Variants in RUNX1T1 observed in about 807,000 individuals in gnomAD.
RUNX1T1 encodes protein CBFA2T1.
RUNX1T1 carries 4 observed loss-of-function variants against 62.8 expected under a neutral mutation model. The ratio of observed to expected loss-of-function variants is 0.06; its 90% CI spans 0.03 to 0.15. RUNX1T1 has a LOEUF of 0.15. Among genes scored for constraint, RUNX1T1 ranks in the 10% least tolerant of loss-of-function variants. RUNX1T1 has a pLI of 1.00. For missense variants in RUNX1T1, 508 were observed against 754.3 expected (o/e 0.67, Z 3.82); for synonymous variants, 291 against 286.0 (o/e 1.02, Z -0.18).
chr8:92,068,504 C>CG (rs1260776876), intron 2 of RUNX1T1, among the ~76,000 whole-genome samples: 1 of 152,110 alleles, frequency 6.6e-6, no homozygotes, highest in Admixed American at 6.5e-5. Flanking sequence ...CAGGCAAAAT[C>CG]GGAGGGCTCG....
intron 8 of RUNX1T1, 58 bp from the exon 10 acceptor site, chr8:91,976,031 T>C: frequency 8.1e-7 from 1 of 1,230,454 alleles, no homozygotes; most frequent in Non-Finnish European, 1.2e-6. Context: ...AGCACACTTG[T>C]GTCATCGCAC....
intron 6 of RUNX1T1, among the ~76,000 whole-genome samples, chr8:91,990,982 T>C (rs1040770748): frequency 7.9e-5 from 12 of 152,208 alleles, no homozygotes; most frequent in Non-Finnish European, 1.6e-4. Flanking sequence ...TCTAATAGTT[T>C]TATGCAAAGA....
At chr8:91,970,933 T>A (rs1334813387) in intron 9 of RUNX1T1, 85 bp from the exon 11 acceptor site, 1 of 1,179,072 alleles carries the variant, frequency 8.5e-7, no homozygotes, top group East Asian at 2.8e-5. Context: ...TTCTTTTAAT[T>A]TTTTTTTTCT....
chr8:92,025,417 G>T lies in RUNX1T1; in HGVS notation c.8-8054C>A, dbSNP rs577296742. ...CCTCTGACCTCCATACTAGACAGCT[G>T]CAGTTCTCCAAATGCCCATGGTCAC... On this transcript the variant is annotated intron_variant, in intron 1 of 10. Coordinates refer to ENST00000396218, the Ensembl canonical transcript of RUNX1T1. Among the ~76,000 whole-genome samples, 13 of 152,224 alleles carry T rather than the reference G, an allele frequency of 8.5e-5. No homozygotes were observed. In the East Asian group the frequency reaches 2.5e-3, roughly 29 times the overall value.
intron 5 of RUNX1T1, chr8:92,003,237 C>A: frequency 2.4e-6 from 1 of 411,498 alleles, no homozygotes; most frequent in Non-Finnish European, 4.9e-6. Flanking sequence ...AACAAGAATG[C>A]TGAGCCTCTG....
At chr8:91,975,825 T>C in intron 9 of RUNX1T1, 80 bp downstream of exon 10, 4 of 920,360 alleles carry the variant, frequency 4.3e-6, no homozygotes, top group Non-Finnish European at 7.1e-6. Flanking sequence ...AAGTCCTTTC[T>C]TGTCATTCCT....
At chr8:92,094,620 A>G (rs1169384271) in intron 1 of RUNX1T1, among the ~76,000 whole-genome samples, 1 of 152,202 alleles carries the variant, frequency 6.6e-6, no homozygotes, top group African/African-American at 2.4e-5. Flanking sequence ...ATTTAAAACA[A>G]GTCACACAAA....
chr8:91,960,609 A>G, intron 10 of RUNX1T1, 92 bp from the exon 12 acceptor site: 1 of 1,345,898 alleles, frequency 7.4e-7, no homozygotes, highest in Non-Finnish European at 1.0e-6. Flanking sequence ...CTGTAGCCTT[A>G]TTTTCAAGAA....
At chr8:92,034,460 A>G (rs897176498) in intron 1 of RUNX1T1, among the ~76,000 whole-genome samples, 11 of 152,146 alleles carry the variant, frequency 7.2e-5, no homozygotes, top group Admixed American at 6.5e-4. Flanking sequence ...ACAAATTTGA[A>G]CAGCCTGTGA....
At chr8:91,999,041 A>G (rs1411278744) in intron 5 of RUNX1T1, among the ~76,000 whole-genome samples, 1 of 152,200 alleles carries the variant, frequency 6.6e-6, no homozygotes, top group Admixed American at 6.5e-5. Context: ...CAGTATGTGT[A>G]ATGCACTATC....
At chr8:91,996,358 C>T (rs1004616085) in intron 5 of RUNX1T1, among the ~76,000 whole-genome samples, 2 of 152,098 alleles carry the variant, frequency 1.3e-5, no homozygotes, top group African/African-American at 4.8e-5. Context: ...CCCGCCACCA[C>T]GCCTGGCTAA....
intron 1 of RUNX1T1, among the ~76,000 whole-genome samples, chr8:92,060,784 A>C (rs1344520409): frequency 6.6e-6 from 1 of 152,150 alleles, no homozygotes; most frequent in African/African-American, 2.4e-5. Context: ...CCAATAGTAG[A>C]ATTTAAAAAC....
At chr8:91,974,430 A>G (rs1813491361) in intron 9 of RUNX1T1, among the ~76,000 whole-genome samples, 1 of 152,156 alleles carries the variant, frequency 6.6e-6, no homozygotes, top group Admixed American at 6.6e-5. Context: ...TTTCTCTATG[A>G]ACTATCAAGA....
intron 1 of RUNX1T1, among the ~76,000 whole-genome samples, chr8:92,026,760 T>C (rs1825243034): frequency 6.6e-6 from 1 of 151,254 alleles, no homozygotes; most frequent in African/African-American, 2.4e-5. Context: ...AGGTGGAGCT[T>C]GCAGTTAGCC....
At chr8:92,025,698 G>C (rs377585923) in intron 1 of RUNX1T1, among the ~76,000 whole-genome samples, 2 of 152,266 alleles carry the variant, frequency 1.3e-5, no homozygotes, top group East Asian at 3.9e-4. Context: ...CATTTTATTT[G>C]TTTTTATAGT....
chr8:92,010,863 C>T (rs1821786653), intron 4 of RUNX1T1, 139 bp downstream of exon 5: 1 of 547,326 alleles, frequency 1.8e-6, no homozygotes. Context: ...AGGAAATGGT[C>T]ATAAATACAA....
chr8:92,040,425 C>CT (rs1183611665), intron 1 of RUNX1T1, among the ~76,000 whole-genome samples: 2 of 152,176 alleles, frequency 1.3e-5, no homozygotes, highest in African/African-American at 4.8e-5. Flanking sequence ...ATTATTCCAT[C>CT]CCCAGCATTC....
chr8:92,017,544 A>C, intron 1 of RUNX1T1, 181 bp from the exon 3 acceptor site: 1 of 1,484,170 alleles, frequency 6.7e-7, no homozygotes, highest in Non-Finnish European at 8.9e-7. Context: ...TTAAGAAGGT[A>C]TAGCACAGAT....
chr8:92,065,973 A>C (rs2130664616), upstream of RUNX1T1, among the ~76,000 whole-genome samples: 1 of 152,292 alleles, frequency 6.6e-6, no homozygotes, highest in Admixed American at 6.5e-5. Context: ...CCTGCCACCA[A>C]CTATTCAATA....
Sources: allele counts gnomAD v4.1 joint callset (sites outside exome capture counted in the v4.1 genomes callset), GRCh38; gene constraint gnomAD v4.1.1; transcripts MANE v1.5; gene names NCBI Gene and HGNC (gene_info 2026-07-23, HGNC 2026-07-21).